ZNF12: variants seen among roughly 807,000 people sequenced by gnomAD.
ZNF12 encodes the protein zinc finger protein 12, also known as gonadotropin inducible transcription repressor 3.
ZNF12 carries 34 observed loss-of-function variants against 66.6 expected under a neutral mutation model. The observed-to-expected ratio is 0.51, with a 90% CI of 0.39 to 0.68. The LOEUF is 0.68. Among genes scored for constraint, ZNF12 ranks in the 30% least tolerant of loss-of-function variants. ZNF12 has a pLI of 0.00. For missense variants in ZNF12, 697 were observed against 826.9 expected, an observed-to-expected ratio of 0.84 and a Z score of 1.93; for synonymous variants, 320 against 278.9, an observed-to-expected ratio of 1.15 and a Z score of -1.47.
At position 6,690,750 on chromosome 7, in the gene ZNF12, C is replaced by T. The variant is rs1780053404; in HGVS notation, c.*98G>A. 4.9e-6 allele frequency: 6 copies of T among 1,234,726 alleles called. No homozygotes were observed. Among genetic ancestry groups the T allele is most frequent in the Non-Finnish European group, 5.5e-6 (5 of 907,574 alleles). The allele number at this position is 1,234,726 out of a possible 1,614,324, so 76.5% of individuals were successfully genotyped here. On this transcript the variant is annotated 3_prime_UTR_variant, in exon 5 of 5. Coordinates refer to ENST00000405858, the MANE Select transcript of ZNF12 (RefSeq NM_016265.4). Reference sequence around the variant, plus strand: ...CACACAAGGGGATGTCCACACTAACCTGTGTGAACTCTCTGATGTACAAGG... The same window carrying T: ...CACACAAGGGGATGTCCACACTAACTTGTGTGAACTCTCTGATGTACAAGG...
intron 4 of ZNF12, among the ~76,000 whole-genome samples, chr7:6,695,821 G>A (rs140729170): frequency 4.7e-4 from 72 of 152,348 alleles, no homozygotes; most frequent in African/African-American, 1.6e-3. Flanking sequence ...TCAGGGAGGG[G>A]TTGAAGATTT....
At chr7:6,701,806 G>A (rs1352284034) in intron 2 of ZNF12, among the ~76,000 whole-genome samples, 6 of 151,882 alleles carry the variant, frequency 4.0e-5, no homozygotes, top group Non-Finnish European at 1.5e-5. Context: ...CACTCCATGG[G>A]CAACAACTAT....
In ZNF12 at chr7:6,696,652, C is replaced by T. The variant is rs941749065; in HGVS notation, c.238+687G>A. Among the ~76,000 whole-genome samples, 2 of 152,192 alleles carry T rather than the reference C, an allele frequency of 1.3e-5. No individual in the cohort carries two copies. Among genetic ancestry groups the T allele is most frequent in the African/African-American group, 4.8e-5 (2 of 41,452 alleles). ...GGAAGCATAAACCAGACTTCATTTGCGTATATGATACTTACTAAGCACCTG... is the reference window on the plus strand; with the variant it reads ...GGAAGCATAAACCAGACTTCATTTGTGTATATGATACTTACTAAGCACCTG... On this transcript the variant is annotated intron_variant, in intron 4 of 4. Coordinates refer to ENST00000405858, the MANE Select transcript of ZNF12 (RefSeq NM_016265.4). The surrounding 1 kb of genome is among the most constrained non-coding windows in gnomAD (Gnocchi z 4.0).
At position 6,688,643 on chromosome 7, in the gene ZNF12, T is replaced by A. The variant is rs1780023297; in HGVS notation, c.*2205A>T. ...AAGAATATGGAGAAAAAGTGCTGAGTGACAAAAACAGGAGCCATGTGTGAT... is the reference window on the plus strand; with the variant it reads ...AAGAATATGGAGAAAAAGTGCTGAGAGACAAAAACAGGAGCCATGTGTGAT... On this transcript the variant is annotated 3_prime_UTR_variant, in exon 5 of 5. Coordinates refer to ENST00000405858, the MANE Select transcript of ZNF12 (RefSeq NM_016265.4). The surrounding 1 kb of genome is among the most constrained non-coding windows in gnomAD (Gnocchi z 4.3). The A allele has an allele frequency of 6.6e-6, 1 of 152,070 alleles. No homozygotes were observed. Among genetic ancestry groups the A allele is most frequent in the African/African-American group, 2.4e-5 (1 of 41,406 alleles). 9.4% of individuals were successfully genotyped at this position (152,070 alleles called of 1,614,324 possible).
rs75194760 is a variant in ZNF12, at chr7:6,688,510, C to T, written c.*2338G>A. On this transcript the variant is annotated 3_prime_UTR_variant, in exon 5 of 5. Coordinates refer to ENST00000405858, the MANE Select transcript of ZNF12 (RefSeq NM_016265.4). The surrounding 1 kb of genome is among the most constrained non-coding windows in gnomAD (Gnocchi z 4.3). ...AATGACACACCAGTGTGAGAAACCTCCATAGGTATCATTTCCACAAATATG... is the reference window on the plus strand; with the variant it reads ...AATGACACACCAGTGTGAGAAACCTTCATAGGTATCATTTCCACAAATATG... 44 of 152,290 alleles carry T rather than the reference C, an allele frequency of 2.9e-4. No individual in the cohort carries two copies. The East Asian group carries it at 6.5e-3, about 23-fold the overall frequency. The allele number at this position is 152,290 out of a possible 1,614,324, so 9.4% of individuals were successfully genotyped here.
chr7:6,692,670 C>T lies in ZNF12; in HGVS notation c.272G>A (p.Arg91Lys). The T allele has an allele frequency of 6.2e-7, 1 of 1,607,340 alleles. No homozygotes were observed. The change falls in exon 5 of 5, where the codon AGA becomes AAA. Residue 91 changes from arginine (R) to lysine (K), a missense_variant. By Grantham distance (26) the Arg-to-Lys change is conservative (BLOSUM62 2). Around this residue, in one of 3 missense-constraint regions of ZNF12, gnomAD observed 241 missense variants for 224.0 expected, o/e 1.08. Coordinates refer to ENST00000405858, the MANE Select transcript of ZNF12 (RefSeq NM_016265.4). The surrounding 1 kb of genome is among the most constrained non-coding windows in gnomAD (Gnocchi z 5.1). ...EVWQTDDLIE[R>K]IQEEENKPSR... is the part of the protein sequence containing the mutation. ...AGGTTTATTTTCCTCTTCCTGGATT[C>T]TCTCTATTAGGTCATCAGTTTGCCA...
intron 4 of ZNF12, among the ~76,000 whole-genome samples, chr7:6,695,919 A>C (rs1780147144): frequency 6.6e-6 from 1 of 152,234 alleles, no homozygotes; most frequent in South Asian, 2.1e-4. Flanking sequence ...TATCATGAAG[A>C]GAAGACATTA....
rs866766721 is a variant in ZNF12 at position 6,691,873 on chromosome 7, A to C, written c.1069T>G (p.Tyr357Asp). 1 of 1,612,842 alleles carries C rather than the reference A, an allele frequency of 6.2e-7. No homozygotes were observed. Among genetic ancestry groups the C allele is most frequent in the Non-Finnish European group, 8.5e-7 (1 of 1,179,586 alleles). Reference protein sequence around the residue: ...HSGEKPYECSYCGKSFCQKTH... With the variant: ...HSGEKPYECSDCGKSFCQKTH... ...TTCTGGCAAAAGGATTTTCCACAAT[A>C]ACTACATTCATAGGGCTTCTCTCCT... The change falls in exon 5 of 5, where the codon TAT becomes GAT. Residue 357 changes from tyrosine (Y) to aspartate (D), a missense_variant. Coordinates refer to ENST00000405858, the MANE Select transcript of ZNF12 (RefSeq NM_016265.4).
At position 6,690,704 on chromosome 7, in the gene ZNF12, G is replaced by C; in HGVS notation, c.*144C>G. 3.8e-6 allele frequency: 3 copies of C among 790,596 alleles called. No individual in the cohort carries two copies. The allele number at this position is 790,596 out of a possible 1,614,324, so 49.0% of individuals were successfully genotyped here. ...TATAATCATGGTTTCCATTCTGTGAGTCTTCAGATTATGAGTCCAACACAC... is the reference window on the plus strand; with the variant it reads ...TATAATCATGGTTTCCATTCTGTGACTCTTCAGATTATGAGTCCAACACAC... On this transcript the variant is annotated 3_prime_UTR_variant, in exon 5 of 5. Coordinates refer to ENST00000405858, the MANE Select transcript of ZNF12 (RefSeq NM_016265.4).
chr7:6,703,816 G>T (rs911176528), intron 2 of ZNF12, among the ~76,000 whole-genome samples: 3 of 152,202 alleles, frequency 2.0e-5, no homozygotes, highest in African/African-American at 7.2e-5. Flanking sequence ...AAGAGAAAGG[G>T]CACTCAAACT....
In ZNF12 at chr7:6,697,321, C is replaced by G; in HGVS notation, c.238+18G>C. 1 of 1,584,880 alleles carries G rather than the reference C, an allele frequency of 6.3e-7. No individual in the cohort carries two copies. Among genetic ancestry groups the G allele is most frequent in the Non-Finnish European group, 8.6e-7 (1 of 1,161,436 alleles). ...CACTCCCAAGTTACCGATCTCCTCA[C>G]TGCCTCCACTAACACACCTGGATAG... On this transcript the variant is annotated intron_variant, in intron 4 of 4. Transcript: ENST00000405858. The surrounding 1 kb of genome is among the most constrained non-coding windows in gnomAD (Gnocchi z 6.1).
At chr7:6,704,697 G>A (rs143257805) in intron 2 of ZNF12, among the ~76,000 whole-genome samples, 3,146 of 121,304 alleles carry the variant, frequency 0.026, 54 homozygotes, top group Middle Eastern at 0.081. Context: ...CTGAGATAGC[G>A]CCACTGCACT....
chr7:6,697,272 C>A lies in ZNF12; in HGVS notation c.238+67G>T. The A allele has an allele frequency of 1.6e-6, 2 of 1,241,046 alleles. No homozygotes were observed. Among genetic ancestry groups the A allele is most frequent in the Non-Finnish European group, 2.3e-6 (2 of 869,620 alleles). 76.9% of individuals were successfully genotyped at this position (1,241,046 alleles called of 1,614,324 possible). On this transcript the variant is annotated intron_variant, in intron 4 of 4. Transcript: ENST00000405858. The surrounding 1 kb of genome is among the most constrained non-coding windows in gnomAD (Gnocchi z 6.1). ...TCTAGTCACTTCTAAAGGTTCGGGA[C>A]CATTAAAAAATCCCTGGGAAAAACA...
chr7:6,692,886 A>AACAC lies in ZNF12; in HGVS notation c.239-187_239-184dup, dbSNP rs3839710. On this transcript the variant is annotated intron_variant, in intron 4 of 4. Transcript: ENST00000405858. The surrounding 1 kb of genome is among the most constrained non-coding windows in gnomAD (Gnocchi z 5.1). The stretch of plus-strand genomic sequence containing the variant: ...TTTTGCTTAAAATTACACACACACA[A>AACAC]ACACACACACACACACACATCCCCC... Among the ~76,000 whole-genome samples the AACAC allele has an allele frequency of 3.1e-4, 47 of 150,186 alleles. No homozygotes were observed. The East Asian group carries it at 4.7e-3, about 15-fold the overall frequency.
rs1366524573 is a variant in ZNF12, at chr7:6,705,463, A to G, written c.-50-240T>C. On this transcript the variant is annotated intron_variant, in intron 1 of 4. Transcript: ENST00000405858. The surrounding 1 kb of genome is among the most constrained non-coding windows in gnomAD (Gnocchi z 4.0). ...GATTCTCATGGTGAATGAATACTGG[A>G]TCCTACTGAAATAATCTGCCATCAT... Among the ~76,000 whole-genome samples the G allele has an allele frequency of 2.6e-5, 4 of 152,250 alleles. No homozygotes were observed. Among genetic ancestry groups the G allele is most frequent in the Non-Finnish European group, 5.9e-5 (4 of 68,054 alleles).
Position 6,697,526 on chromosome 7 carries a change from A to C in ZNF12, c.143-92T>G. On this transcript the variant is annotated intron_variant, in intron 3 of 4. Coordinates refer to ENST00000405858, the MANE Select transcript of ZNF12 (RefSeq NM_016265.4). This position sits in a 1 kb window ranked among gnomAD's most constrained non-coding sequence, Gnocchi z 6.1. ...GGAAAATTCCATTTGTGTCTTATCA[A>C]AATCAGAACTTTTCACGGGGGAGAT... is the stretch of plus-strand genomic sequence containing the variant. 4 of 1,530,608 alleles carry C rather than the reference A, an allele frequency of 2.6e-6. No homozygotes were observed. The highest frequency in any genetic ancestry group is 3.6e-6 in the Non-Finnish European group (4 of 1,120,470). 94.8% of individuals were successfully genotyped at this position (1,530,608 alleles called of 1,614,324 possible).
chr7:6,703,588 T>C (rs1780294110), intron 2 of ZNF12, among the ~76,000 whole-genome samples: 1 of 152,146 alleles, frequency 6.6e-6, no homozygotes, highest in Admixed American at 6.6e-5. Flanking sequence ...CAAATAATTA[T>C]TCTGAACCTG....
chr7:6,705,098 C>G lies in ZNF12; in HGVS notation c.15+61G>C, dbSNP rs1233150735. On this transcript the variant is annotated intron_variant, in intron 2 of 4. Coordinates refer to ENST00000405858, the MANE Select transcript of ZNF12 (RefSeq NM_016265.4). The surrounding 1 kb of genome is among the most constrained non-coding windows in gnomAD (Gnocchi z 4.0). ...CCATTTTAAACTTTGAACCCTTAAT[C>G]TCCTCCTAAGGTGTATTGTAAATCA... 6.4e-7 allele frequency: 1 copy of G among 1,572,218 alleles called. No homozygotes were observed. Among genetic ancestry groups the G allele is most frequent in the African/African-American group, 1.4e-5 (1 of 73,570 alleles).
rs1287705722 is a variant in ZNF12 at position 6,692,132 on chromosome 7, T to C, written c.810A>G (p.Glu270=). 6.2e-7 allele frequency: 1 copy of C among 1,614,150 alleles called. No homozygotes were observed. The highest frequency in any genetic ancestry group is 8.5e-7 in the Non-Finnish European group (1 of 1,179,994). Residue 270 remains glutamate (E), a synonymous_variant, in exon 5 of 5, where the codon GAA becomes GAG. Transcript: ENST00000405858. The surrounding 1 kb of genome is among the most constrained non-coding windows in gnomAD (Gnocchi z 5.1). ...QTSHMEMKPY[E]CSECGKSFCK... The stretch of plus-strand genomic sequence containing the variant: ...AGAAGGATTTCCCACATTCACTGCA[T>C]TCATAGGGCTTCATTTCCATATGAG...
Sources: allele counts gnomAD v4.1 joint callset (sites outside exome capture counted in the v4.1 genomes callset), GRCh38; gene constraint gnomAD v4.1.1; regional missense constraint gnomAD v4.1.1; non-coding constraint Gnocchi (gnomAD v3.1); transcripts MANE v1.5; gene names NCBI Gene and HGNC (gene_info 2026-07-23, HGNC 2026-07-21).